IDUA: variants seen among roughly 807,000 people sequenced by gnomAD.
The protein encoded by IDUA is alpha-L-iduronidase, also known as iduronidase alpha-L-.
Under a neutral mutation model 68.9 loss-of-function variants are expected in IDUA, and 65 were observed. The ratio of observed to expected loss-of-function variants is 0.94; its 90% CI spans 0.77 to 1.16. The LOEUF is 1.16. Ranked by LOEUF, IDUA falls within the 50% of genes most tolerant of loss-of-function variation. The pLI, the probability that IDUA is intolerant of heterozygous loss-of-function variation, is 0.00. For missense variants in IDUA, 1,046 were observed against 938.0 expected, an observed-to-expected ratio of 1.12 and a Z score of -1.50; for synonymous variants, 529 against 433.6, an observed-to-expected ratio of 1.22 and a Z score of -2.73.
intron 12 of IDUA, 181 bp downstream of exon 12, chr4:1,003,806 G>C: frequency 1.3e-6 from 1 of 795,844 alleles, no homozygotes. Context: ...CCTGCCAGTG[G>C]GGTGTGGGTT....
In IDUA at chr4:987,169, C is replaced by G; in HGVS notation, c.85C>G (p.Pro29Ala). The change falls in exon 1 of 14, where the codon CCG (proline) becomes GCG (alanine). Residue 29 changes from proline to alanine, a missense_variant. Coordinates refer to ENST00000514224, the MANE Select transcript of IDUA (RefSeq NM_000203.5). ...GCCCCCGGTGGCCCCGGCCGAGGCC[C>G]CGCACCTGGTGCATGTGGACGCGGC... ...AAPPVAPAEA[P>A]HLVHVDAARA... The G allele has an allele frequency of 6.9e-7, 1 of 1,450,680 alleles. No individual in the cohort carries two copies. The highest frequency in any genetic ancestry group is 9.0e-7 in the Non-Finnish European group (1 of 1,107,160). 89.9% of individuals were successfully genotyped at this position (1,450,680 alleles called of 1,614,324 possible).
chr4:1,001,196 G>A, intron 4 of IDUA: 1 of 618,756 alleles, frequency 1.6e-6, no homozygotes, highest in Non-Finnish European at 2.9e-6. Flanking sequence ...TGGGCTTGGT[G>A]GGTGGGCGAA....
rs1348088042 is a variant in IDUA at position 987,251 on chromosome 4, T to A, written c.158+9T>A. On this transcript the variant is annotated intron_variant, in intron 1 of 13. Coordinates refer to ENST00000514224, the MANE Select transcript of IDUA (RefSeq NM_000203.5). Reference sequence around the variant, plus strand: ...AGGAGCACAGGCTTCTGGTGAGCGCTCCGCGGCCTCCGGGACCCCCTGGCC... The same window carrying A: ...AGGAGCACAGGCTTCTGGTGAGCGCACCGCGGCCTCCGGGACCCCCTGGCC... 11 of 1,513,348 alleles carry A rather than the reference T, an allele frequency of 7.3e-6. No individual in the cohort carries two copies. The highest frequency in any genetic ancestry group is 9.7e-6 in the Non-Finnish European group (11 of 1,137,948). The allele number at this position is 1,513,348 out of a possible 1,614,324, so 93.7% of individuals were successfully genotyped here.
chr4:1,002,481 G>A lies in IDUA; in HGVS notation c.1185G>A (p.Leu395=), dbSNP rs1355543480. The change falls in exon 8 of 14, where the codon CTG becomes CTA. Residue 395 remains leucine (L), a synonymous_variant. Coordinates refer to ENST00000514224, the MANE Select transcript of IDUA (RefSeq NM_000203.5). ...PVLTAMGLLA[L]LDEEQLWAEV... ...TCACGGCCATGGGGCTGCTGGCGCT[G>A]CTGGGTGAGCCGGGGCCGCTGGGGT... is the stretch of plus-strand genomic sequence containing the variant. 1 of 1,537,874 alleles carries A rather than the reference G, an allele frequency of 6.5e-7. No homozygotes were observed.
intron 8 of IDUA, 75 bp downstream of exon 8, chr4:1,002,560 C>T (rs1715160672): frequency 6.7e-6 from 9 of 1,335,486 alleles, no homozygotes; most frequent in Non-Finnish European, 8.8e-6. Context: ...GGCCCCGCTG[C>T]GGGGAGCGCA....
intron 2 of IDUA, among the ~76,000 whole-genome samples, chr4:996,164 G>A (rs779584413): frequency 6.6e-6 from 1 of 152,244 alleles, no homozygotes; most frequent in Non-Finnish European, 1.5e-5. Flanking sequence ...GTGGTCCCTG[G>A]GAAGCAGCTG....
chr4:987,071 G>T lies in IDUA; in HGVS notation c.-14G>T. On this transcript the variant is annotated 5_prime_UTR_variant, in exon 1 of 14. Coordinates refer to ENST00000514224, the MANE Select transcript of IDUA (RefSeq NM_000203.5). ...TGCAGCCCGAAGCCCCGCAGTCCCC[G>T]AGCACGCGTGGCCATGCGTCCCCTG... is the stretch of plus-strand genomic sequence containing the variant. 2 of 1,504,166 alleles carry T rather than the reference G, an allele frequency of 1.3e-6. No individual in the cohort carries two copies. Among genetic ancestry groups the T allele is most frequent in the South Asian group, 2.5e-5 (2 of 81,370 alleles). 93.2% of individuals were successfully genotyped at this position (1,504,166 alleles called of 1,614,324 possible). A position where few individuals can be genotyped will look rare whatever the true frequency, so the allele number is the denominator to read the frequency against.
At chr4:1,002,651 G>T in intron 8 of IDUA, 81 bp from the exon 9 acceptor site, 1 of 1,194,280 alleles carries the variant, frequency 8.4e-7, no homozygotes, top group Non-Finnish European at 1.1e-6. Context: ...GAGGGGGAGC[G>T]AGTGGTGGGA....
chr4:991,188 C>G, intron 2 of IDUA: 1 of 1,591,704 alleles, frequency 6.3e-7, no homozygotes, highest in Admixed American at 1.7e-5. Flanking sequence ...AGCAGTCACG[C>G]CCGCAGTCCA....
intron 2 of IDUA, among the ~76,000 whole-genome samples, chr4:995,736 C>G (rs1230811335): frequency 6.6e-6 from 1 of 152,172 alleles, no homozygotes; most frequent in South Asian, 2.1e-4. Context: ...ACCCTGGACA[C>G]TCACCCCACC....
rs1715220269 is a variant in IDUA, at chr4:1,003,175, G to A, written c.1524+18G>A. ...CGGCTGAGGTAGGTGGGCCGCGGAG[G>A]GGCGAGGGGCCGGGCCGGGCCGGGG... On this transcript the variant is annotated intron_variant, in intron 10 of 13. Coordinates refer to ENST00000514224, the MANE Select transcript of IDUA (RefSeq NM_000203.5). 3.0e-6 allele frequency: 4 copies of A among 1,339,530 alleles called. No individual in the cohort carries two copies. The East Asian group carries it at 1.2e-4, about 42-fold the overall frequency. The allele number at this position is 1,339,530 out of a possible 1,614,324, so 83.0% of individuals were successfully genotyped here.
chr4:1,003,913 G>C (rs1459778138), intron 12 of IDUA, 99 bp from the exon 13 acceptor site: 1 of 1,032,994 alleles, frequency 9.7e-7, no homozygotes, highest in Non-Finnish European at 1.5e-6. Context: ...CGAGGGGCTT[G>C]AGGGAATGAG....
chr4:1,002,356 A>G lies in IDUA; in HGVS notation c.1060A>G (p.Ser354Gly). ...ALLSNDNAFLSYHPHPFAQRT... is the reference protein window; with the variant it reads ...ALLSNDNAFLGYHPHPFAQRT... ...CCTGAGCAACGACAATGCCTTCCTG[A>G]GCTACCACCCGCACCCCTTCGCGCA... The change falls in exon 8 of 14, where the codon AGC becomes GGC. Residue 354 changes from serine (S) to glycine (G), a missense_variant. Ser to Gly is a moderately conservative substitution (Grantham distance 56). Transcript: ENST00000514224. 1 of 1,612,956 alleles carries G rather than the reference A, an allele frequency of 6.2e-7. No homozygotes were observed. The highest frequency in any genetic ancestry group is 8.5e-7 in the Non-Finnish European group (1 of 1,179,636).
Position 1,001,521 on chromosome 4 carries a change from C to T in IDUA, c.547C>T (p.Pro183Ser), listed in dbSNP as rs757706461. 1.1e-5 allele frequency: 18 copies of T among 1,613,226 alleles called. No individual in the cohort carries two copies. The highest frequency in any genetic ancestry group is 2.2e-5 in the East Asian group (1 of 44,880). Residue 183 changes from proline to serine, a missense_variant, in exon 5 of 14, where the codon CCA (proline) becomes TCA (serine). Coordinates refer to ENST00000514224, the MANE Select transcript of IDUA (RefSeq NM_000203.5). The stretch of plus-strand genomic sequence containing the variant: ...GTGGAACTTCGAGACGTGGAATGAG[C>T]CAGACCACCACGACTTTGACAACGT... ...SKWNFETWNE[P>S]DHHDFDNVSM...
chr4:999,785 CGTGGG>C, intron 2 of IDUA: 1 of 52,924 alleles, frequency 1.9e-5, no homozygotes, highest in African/African-American at 1.0e-4. Flanking sequence ...ATGCAGGCCT[CGTGGG>C]AATTCAGCCC....
intron 2 of IDUA, among the ~76,000 whole-genome samples, chr4:996,663 G>A (rs977520788): frequency 9.2e-5 from 14 of 152,210 alleles, no homozygotes; most frequent in African/African-American, 3.1e-4. Flanking sequence ...TAGGCTGGGT[G>A]TCTAAAGTAG....
intron 2 of IDUA, among the ~76,000 whole-genome samples, chr4:998,775 A>AC (rs1271309962): frequency 7.5e-6 from 1 of 132,756 alleles, no homozygotes; most frequent in Non-Finnish European, 1.7e-5. Flanking sequence ...GCCCTGTACG[A>AC]CCCCCCGACC....
At chr4:999,153 C>T (rs951905021) in intron 2 of IDUA, among the ~76,000 whole-genome samples, 38 of 151,032 alleles carry the variant, frequency 2.5e-4, no homozygotes, top group African/African-American at 8.5e-4. Context: ...TGCAGTGAGC[C>T]GAGATCGCGC....
chr4:1,002,262 C>A lies in IDUA; in HGVS notation c.973-7C>A. 2 of 1,608,662 alleles carry A rather than the reference C, an allele frequency of 1.2e-6. No homozygotes were observed. Among genetic ancestry groups the A allele is most frequent in the South Asian group, 1.1e-5 (1 of 90,434 alleles). On this transcript the variant is annotated splice_region_variant and splice_polypyrimidine_tract_variant and intron_variant, in intron 7 of 13. Transcript: ENST00000514224. Reference sequence around the variant, plus strand: ...CACCCGGTCCCAGCTGCCCTGGACACCCGCAGGTCATCGCGCAGCATCAGA... The same window carrying A: ...CACCCGGTCCCAGCTGCCCTGGACAACCGCAGGTCATCGCGCAGCATCAGA...
Sources: gnomAD v4.1 joint callset for allele counts (sites outside exome capture counted in the v4.1 genomes callset) on GRCh38, gnomAD v4.1.1 for gene constraint, MANE v1.5 for transcripts, NCBI Gene and HGNC (gene_info 2026-07-23, HGNC 2026-07-21) for gene names.